Variants in GATA4 observed in about 807,000 individuals in gnomAD.
GATA4 encodes transcription factor GATA-4.
A neutral mutation model predicts 37.9 loss-of-function variants in GATA4; 7 were observed. The observed-to-expected ratio is 0.18, with a 90% CI of 0.11 to 0.35. The LOEUF is 0.35. Ranked by LOEUF, GATA4 falls within the 10% of genes least tolerant of loss-of-function variation. GATA4 has a pLI of 1.00. For synonymous variants in GATA4, 372 were observed against 292.6 expected (o/e 1.27, Z -2.77); for missense variants, 647 against 653.0 (o/e 0.99, Z 0.10).
rs1554488894 is a variant in GATA4 at position 11,709,576 on chromosome 8, G to GGGGGGGGA, written c.616+655_616+656insAGGGGGGG. On this transcript the variant is annotated intron_variant, in intron 2 of 6. Coordinates refer to ENST00000532059, the MANE Select transcript of GATA4 (RefSeq NM_001308093.3). This position sits in a 1 kb window ranked among gnomAD's most constrained non-coding sequence, Gnocchi z 4.3. ...CGCGTGGGCGCATCATGCGGGCAGC[G>GGGGGGGGA]GGGGGGGGGGCGCACACGCCCGGTC... Among the ~76,000 whole-genome samples, 5 of 41,708 alleles carry GGGGGGGGA rather than the reference G, an allele frequency of 1.2e-4. No individual in the cohort carries two copies. Among genetic ancestry groups the GGGGGGGGA allele is most frequent in the Admixed American group, 3.6e-4 (1 of 2,800 alleles). 27.4% of individuals were successfully genotyped at this position (41,708 alleles called of 152,430 possible).
At chr8:11,740,495 C>G (rs1801677530) in intron 2 of GATA4, among the ~76,000 whole-genome samples, 1 of 152,222 alleles carries the variant, frequency 6.6e-6, no homozygotes, top group Admixed American at 6.5e-5. Flanking sequence ...GGCAGGGTCC[C>G]TGCAAACACA....
chr8:11,746,661 C>G (rs551092497), intron 2 of GATA4, among the ~76,000 whole-genome samples: 28 of 152,328 alleles, frequency 1.8e-4, no homozygotes, highest in African/African-American at 6.7e-4. Flanking sequence ...AGAAGCGGGG[C>G]TGACAGCCCA....
Position 11,754,991 on chromosome 8 carries a change from T to C in GATA4, c.913-55T>C, listed in dbSNP as rs1554498312. On this transcript the variant is annotated intron_variant, in intron 4 of 6. Coordinates refer to ENST00000532059, the MANE Select transcript of GATA4 (RefSeq NM_001308093.3). Reference sequence around the variant, plus strand: ...GCAGCAGGTGTGTGTCTTTCAATGCTGTAGCAGACTACGCAGAAATGGAAA... The same window carrying C: ...GCAGCAGGTGTGTGTCTTTCAATGCCGTAGCAGACTACGCAGAAATGGAAA... The C allele has an allele frequency of 7.2e-7, 1 of 1,381,674 alleles. No individual in the cohort carries two copies. Among genetic ancestry groups the C allele is most frequent in the South Asian group, 1.2e-5 (1 of 84,548 alleles). 85.6% of individuals were successfully genotyped at this position (1,381,674 alleles called of 1,614,324 possible).
At chr8:11,747,098 C>T (rs1370954425) in intron 2 of GATA4, among the ~76,000 whole-genome samples, 1 of 152,256 alleles carries the variant, frequency 6.6e-6, no homozygotes, top group Non-Finnish European at 1.5e-5. Context: ...ACCACCTGTC[C>T]TCCCAACTCA....
intron 1 of GATA4, chr8:11,681,251 T>C: frequency 9.1e-6 from 9 of 985,406 alleles, no homozygotes; most frequent in Non-Finnish European, 1.1e-5. Context: ...ACAGCTCGTC[T>C]GGGAGCGACT....
At chr8:11,703,527 G>T (rs1387084525), upstream of GATA4, among the ~76,000 whole-genome samples, 1 of 152,260 alleles carries the variant, frequency 6.6e-6, no homozygotes. Context: ...AAGGGGGAAA[G>T]ATTAGAAGAG....
chr8:11,741,470 C>T (rs999813039), intron 2 of GATA4, among the ~76,000 whole-genome samples: 3 of 151,784 alleles, frequency 2.0e-5, no homozygotes, highest in East Asian at 1.9e-4. Context: ...CAGAGCAAGA[C>T]CCCATTGAAA....
At chr8:11,754,158 TC>T (rs1158922168) in intron 4 of GATA4, among the ~76,000 whole-genome samples, 2 of 152,214 alleles carry the variant, frequency 1.3e-5, no homozygotes, top group Non-Finnish European at 2.9e-5. Context: ...ACATCTCAAC[TC>T]ACTGGGACTG....
At chr8:11,711,491 C>T (rs1273138976) in intron 2 of GATA4, among the ~76,000 whole-genome samples, 2 of 151,946 alleles carry the variant, frequency 1.3e-5, no homozygotes, top group Non-Finnish European at 2.9e-5. Context: ...AAAAGCAGTG[C>T]ATGTGGCCAG....
At chr8:11,693,218 C>T (rs1017980799) in intron 1 of GATA4, among the ~76,000 whole-genome samples, 1 of 152,222 alleles carries the variant, frequency 6.6e-6, no homozygotes, top group Non-Finnish European at 1.5e-5. Context: ...GTAATCCCAG[C>T]ACTTAGTGAG....
intron 4 of GATA4, among the ~76,000 whole-genome samples, chr8:11,753,308 G>C (rs1326583452): frequency 1.3e-5 from 2 of 152,170 alleles, no homozygotes; most frequent in African/African-American, 4.8e-5. Flanking sequence ...TCGGGGGCTA[G>C]GGAAAGGGGG....
chr8:11,720,698 G>C (rs1054888617), intron 2 of GATA4, among the ~76,000 whole-genome samples: 1 of 152,044 alleles, frequency 6.6e-6, no homozygotes, highest in Admixed American at 6.6e-5. Flanking sequence ...GAGAACATGC[G>C]GTTAGTTTCC....
chr8:11,727,992 C>G (rs796827748), intron 2 of GATA4, among the ~76,000 whole-genome samples: 12 of 152,260 alleles, frequency 7.9e-5, no homozygotes, highest in African/African-American at 2.9e-4. Context: ...TCTGCATTTA[C>G]TTATTTATTT....
At chr8:11,747,877 TATTA>T (rs762100236) in intron 2 of GATA4, among the ~76,000 whole-genome samples, 1 of 152,200 alleles carries the variant, frequency 6.6e-6, no homozygotes, top group Non-Finnish European at 1.5e-5. Context: ...AATGTTTTGG[TATTA>T]AGCAAACGAC....
rs1451628809 is a variant in GATA4, at chr8:11,758,982, G to C, written c.*507G>C. The stretch of plus-strand genomic sequence containing the variant: ...GCCCTGCATCCCTAATACCAAATCT[G>C]ACTCCAAAATTGTGGGGTGTGACAT... On this transcript the variant is annotated 3_prime_UTR_variant, in exon 7 of 7. Transcript: ENST00000532059. 9.4e-6 allele frequency: 2 copies of C among 212,436 alleles called. No individual in the cohort carries two copies. The highest frequency in any genetic ancestry group is 1.9e-5 in the Non-Finnish European group (2 of 104,494). 13.2% of individuals were successfully genotyped at this position (212,436 alleles called of 1,614,324 possible).
At chr8:11,745,407 C>T (rs1321072559) in intron 2 of GATA4, among the ~76,000 whole-genome samples, 79 of 75,218 alleles carry the variant, frequency 1.1e-3, no homozygotes, top group African/African-American at 4.8e-3. Flanking sequence ...GAGCTTGTCT[C>T]TACCAAAAAA....
chr8:11,684,659 A>C (rs1157189664), intron 1 of GATA4, among the ~76,000 whole-genome samples: 2 of 152,180 alleles, frequency 1.3e-5, no homozygotes, highest in African/African-American at 4.8e-5. Context: ...TCAGTTTCTT[A>C]TATTTTAAAA....
chr8:11,736,248 C>T (rs1483139766), intron 2 of GATA4, among the ~76,000 whole-genome samples: 1 of 152,180 alleles, frequency 6.6e-6, no homozygotes, highest in Non-Finnish European at 1.5e-5. Context: ...AATTTAAACA[C>T]AAATTGAAGG....
chr8:11,724,941 G>A (rs1280050724), intron 2 of GATA4, among the ~76,000 whole-genome samples: 1 of 152,260 alleles, frequency 6.6e-6, no homozygotes. Context: ...GTGAAGGGAA[G>A]AGCTGTATGT....
Sources: allele counts gnomAD v4.1 joint callset (sites outside exome capture counted in the v4.1 genomes callset), GRCh38; gene constraint gnomAD v4.1.1; non-coding constraint Gnocchi (gnomAD v3.1); transcripts MANE v1.5; gene names NCBI Gene and HGNC (gene_info 2026-07-23, HGNC 2026-07-21).